CNTNAP2: variants seen among roughly 807,000 people sequenced by gnomAD.
CNTNAP2 encodes contactin associated protein 2, also known as contactin-associated protein-like 2.
A neutral mutation model predicts 155.2 loss-of-function variants in CNTNAP2; 98 were observed. The ratio of observed to expected loss-of-function variants is 0.63; its 90% CI spans 0.54 to 0.75. The LOEUF is 0.75. Ranked by LOEUF, CNTNAP2 falls within the 30% of genes least tolerant of loss-of-function variation. The pLI, the probability that CNTNAP2 is intolerant of heterozygous loss-of-function variation, is 0.00. For synonymous variants in CNTNAP2, 651 were observed against 631.2 expected (o/e 1.03, Z -0.47); for missense variants, 1,727 against 1,688.1 (o/e 1.02, Z -0.40).
intron 12 of CNTNAP2, among the ~76,000 whole-genome samples, chr7:147,573,254 G>T (rs1046199833): frequency 6.6e-6 from 1 of 152,054 alleles, no homozygotes; most frequent in Non-Finnish European, 1.5e-5. Flanking sequence ...AAATCTGTTT[G>T]CTGCATTTAC....
At chr7:148,214,223 G>A (rs1029586968) in intron 18 of CNTNAP2, among the ~76,000 whole-genome samples, 1 of 152,212 alleles carries the variant, frequency 6.6e-6, no homozygotes, top group African/African-American at 2.4e-5. Context: ...AGCTCCTTCA[G>A]AGCAAGAGTT....
At chr7:146,727,529 A>C (rs1192544650) in intron 1 of CNTNAP2, among the ~76,000 whole-genome samples, 1 of 152,194 alleles carries the variant, frequency 6.6e-6, no homozygotes, top group Non-Finnish European at 1.5e-5. Flanking sequence ...ATTTAACACC[A>C]GCACTTACCC....
chr7:147,520,094 A>G (rs1799206645), intron 11 of CNTNAP2, among the ~76,000 whole-genome samples: 1 of 152,202 alleles, frequency 6.6e-6, no homozygotes, highest in Admixed American at 6.5e-5. Context: ...AAGTCTTTCC[A>G]AAGAATCCAG....
intron 20 of CNTNAP2, among the ~76,000 whole-genome samples, chr7:148,261,028 G>A (rs550626775): frequency 7.9e-5 from 12 of 152,080 alleles, no homozygotes; most frequent in Non-Finnish European, 1.3e-4. Context: ...GATTTCCCTC[G>A]GCCTCAACTC....
At chr7:146,475,013 G>GCGCGCACACACA (rs71525954) in intron 1 of CNTNAP2, among the ~76,000 whole-genome samples, 97 of 144,378 alleles carry the variant, frequency 6.7e-4, no homozygotes, top group Middle Eastern at 3.6e-3. Context: ...GCGCGCGCGC[G>GCGCGCACACACA]CACACACACA....
At chr7:146,534,444 C>T (rs1346980048) in intron 1 of CNTNAP2, among the ~76,000 whole-genome samples, 3 of 151,930 alleles carry the variant, frequency 2.0e-5, no homozygotes, top group Non-Finnish European at 4.4e-5. Flanking sequence ...ACAGTCTCTG[C>T]GTTTATCAAT....
chr7:146,216,920 G>A (rs538335851), intron 1 of CNTNAP2, among the ~76,000 whole-genome samples: 4 of 152,312 alleles, frequency 2.6e-5, no homozygotes, highest in African/African-American at 7.2e-5. Context: ...TAAAACTTCA[G>A]GAGTGGCTGT....
At chr7:147,337,279 T>C (rs986503875) in intron 9 of CNTNAP2, among the ~76,000 whole-genome samples, 7 of 152,026 alleles carry the variant, frequency 4.6e-5, no homozygotes, top group African/African-American at 1.7e-4. Context: ...CATCTGTGCA[T>C]ATTCTGTGTT....
chr7:147,472,560 A>G (rs1798244196), intron 10 of CNTNAP2, among the ~76,000 whole-genome samples: 2 of 152,050 alleles, frequency 1.3e-5, no homozygotes, highest in African/African-American at 4.8e-5. Flanking sequence ...TCAGTCTGCC[A>G]TTTTATTGAG....
intron 15 of CNTNAP2, among the ~76,000 whole-genome samples, chr7:148,001,540 A>C (rs1801897506): frequency 6.6e-6 from 1 of 152,252 alleles, no homozygotes; most frequent in Non-Finnish European, 1.5e-5. Context: ...AAAAGCAATC[A>C]TTGGAGTTGT....
chr7:147,540,020 T>C (rs964412838), intron 11 of CNTNAP2, among the ~76,000 whole-genome samples: 1 of 152,210 alleles, frequency 6.6e-6, no homozygotes, highest in Non-Finnish European at 1.5e-5. Flanking sequence ...CTCTCTCATG[T>C]CTAGGCTGAT....
At chr7:148,044,575 G>A (rs1585094633) in intron 15 of CNTNAP2, 2 of 152,352 alleles carry the variant, frequency 1.3e-5, no homozygotes, top group East Asian at 3.9e-4. Context: ...GAGGCCCAAG[G>A]AAGCTTGTCC....
At chr7:146,267,621 C>T (rs192544988) in intron 1 of CNTNAP2, among the ~76,000 whole-genome samples, 36 of 152,236 alleles carry the variant, frequency 2.4e-4, no homozygotes, top group African/African-American at 8.2e-4. Flanking sequence ...CTTTTCACCA[C>T]GTGAGGACAC....
chr7:146,752,917 G>A (rs981740049), intron 1 of CNTNAP2, among the ~76,000 whole-genome samples: 1 of 152,124 alleles, frequency 6.6e-6, no homozygotes, highest in Admixed American at 6.6e-5. Context: ...AGTAAATCTG[G>A]ATGTTAAAGG....
At chr7:147,445,672 T>G (rs1033958962) in intron 10 of CNTNAP2, among the ~76,000 whole-genome samples, 10 of 152,224 alleles carry the variant, frequency 6.6e-5, no homozygotes, top group African/African-American at 2.4e-4. Context: ...TACATTTAAG[T>G]GGGTCCAGAA....
intron 1 of CNTNAP2, among the ~76,000 whole-genome samples, chr7:146,543,182 A>G (rs1054700287): frequency 9.2e-5 from 14 of 151,918 alleles, no homozygotes; most frequent in Non-Finnish European, 1.8e-4. Flanking sequence ...AATTTTTTTT[A>G]TTTAAATAAG....
intron 1 of CNTNAP2, among the ~76,000 whole-genome samples, chr7:146,288,264 C>T (rs1800369915): frequency 1.4e-5 from 2 of 147,472 alleles, no homozygotes; most frequent in African/African-American, 5.1e-5. Context: ...AGCCACTGCA[C>T]TCCAGCCTGG....
chr7:147,875,765 A>T (rs1799411561), intron 13 of CNTNAP2, among the ~76,000 whole-genome samples: 1 of 152,168 alleles, frequency 6.6e-6, no homozygotes, highest in Non-Finnish European at 1.5e-5. Context: ...TTATGGTTTT[A>T]AAAATGCTTA....
chr7:147,791,157 A>AT (rs1797812736), intron 13 of CNTNAP2, among the ~76,000 whole-genome samples: 1 of 151,330 alleles, frequency 6.6e-6, no homozygotes, highest in African/African-American at 2.4e-5. Flanking sequence ...TATTTTGTTC[A>AT]TTTTTTTCTC....
Sources: gnomAD v4.1 joint callset for allele counts (sites outside exome capture counted in the v4.1 genomes callset) on GRCh38, gnomAD v4.1.1 for gene constraint, MANE v1.5 for transcripts, NCBI Gene and HGNC (gene_info 2026-07-23, HGNC 2026-07-21) for gene names.